Variants in UGT1A10 observed in about 807,000 individuals in gnomAD.
The protein encoded by UGT1A10 is UDP glucuronosyltransferase family 1 member A10.
Under a neutral mutation model 45.8 loss-of-function variants are expected in UGT1A10, and 49 were observed. The observed-to-expected ratio is 1.07, with a 90% confidence interval of 0.85 to 1.36. UGT1A10 has a LOEUF of 1.36. Among genes scored for constraint, UGT1A10 ranks in the 40% most tolerant of loss-of-function variants. UGT1A10 has a pLI of 0.00. For missense variants in UGT1A10, 745 were observed against 668.6 expected (o/e 1.11, Z -1.26); for synonymous variants, 284 against 249.7 (o/e 1.14, Z -1.29).
chr2:233,766,403 C>T (rs889722071), intron 1 of UGT1A10, among the ~76,000 whole-genome samples: 1 of 152,294 alleles, frequency 6.6e-6, no homozygotes, highest in South Asian at 2.1e-4. Flanking sequence ...TGCGTCCCTC[C>T]GCTGATGTGC....
At chr2:233,768,004 T>C in intron 3 of UGT1A10, 68 bp downstream of exon 3, 1 of 1,614,092 alleles carries the variant, frequency 6.2e-7, no homozygotes, top group South Asian at 1.1e-5. Context: ...TAAGCACAGC[T>C]ATTCTAAAGG....
intron 1 of UGT1A10, chr2:233,743,605 G>A (rs376857469): frequency 9.1e-5 from 125 of 1,367,170 alleles, no homozygotes; most frequent in Middle Eastern, 2.1e-4. Context: ...CCTGGCCGCC[G>A]AAGAACTCCC....
intron 1 of UGT1A10, among the ~76,000 whole-genome samples, chr2:233,689,353 T>C (rs1181537537): frequency 6.6e-6 from 1 of 152,248 alleles, no homozygotes; most frequent in Non-Finnish European, 1.5e-5. Context: ...AAGGAAGGCA[T>C]TTATGTGCAG....
intron 1 of UGT1A10, among the ~76,000 whole-genome samples, chr2:233,655,311 C>T (rs1300977294): frequency 6.6e-6 from 1 of 152,150 alleles, no homozygotes; most frequent in Non-Finnish European, 1.5e-5. Context: ...AGTGACAACC[C>T]ATGCAGGTTT....
intron 3 of UGT1A10, 76 bp from the exon 4 acceptor site, chr2:233,768,144 T>C: frequency 6.2e-7 from 1 of 1,610,934 alleles, no homozygotes; most frequent in Non-Finnish European, 8.5e-7. Context: ...CTTTGGAGTG[T>C]TTTCAGAACC....
At chr2:233,646,510 T>A (rs1365334162) in intron 1 of UGT1A10, among the ~76,000 whole-genome samples, 2 of 152,078 alleles carry the variant, frequency 1.3e-5, no homozygotes, top group Admixed American at 6.6e-5. Flanking sequence ...CCAAATCACC[T>A]CTTGAATGCT....
intron 1 of UGT1A10, chr2:233,693,707 G>T (rs199908505): frequency 6.2e-7 from 1 of 1,614,202 alleles, no homozygotes; most frequent in Non-Finnish European, 8.5e-7. Flanking sequence ...ACTCGCATCA[G>T]CTGTCCTCAA....
intron 1 of UGT1A10, among the ~76,000 whole-genome samples, chr2:233,724,206 A>T (rs2077188856): frequency 1.7e-5 from 2 of 117,190 alleles, no homozygotes; most frequent in African/African-American, 3.7e-5. Flanking sequence ...GGCCGGGCTG[A>T]GGGGCTCCTC....
chr2:233,729,379 A>C, intron 1 of UGT1A10: 1 of 1,613,990 alleles, frequency 6.2e-7, no homozygotes, highest in South Asian at 1.1e-5. Context: ...CATTTCGTGG[A>C]CCCAGGATGA....
chr2:233,756,019 A>G (rs997763833), intron 1 of UGT1A10: 4 of 152,222 alleles, frequency 2.6e-5, no homozygotes, highest in Admixed American at 2.0e-4. Flanking sequence ...GTGATATTAC[A>G]CATCCCCCAT....
At chr2:233,722,287 T>G (rs2125687052) in intron 1 of UGT1A10, among the ~76,000 whole-genome samples, 2 of 152,350 alleles carry the variant, frequency 1.3e-5, no homozygotes, top group Admixed American at 1.3e-4. Flanking sequence ...TGATTTCCTT[T>G]GTTATTTTGT....
At chr2:233,738,236 C>A (rs1038259131) in intron 1 of UGT1A10, among the ~76,000 whole-genome samples, 4 of 152,220 alleles carry the variant, frequency 2.6e-5, no homozygotes, top group African/African-American at 4.8e-5. Flanking sequence ...GAGGCCCCTC[C>A]AGCCACATGG....
intron 1 of UGT1A10, chr2:233,693,062 CT>C (rs752839721): frequency 1.2e-6 from 2 of 1,614,140 alleles, no homozygotes; most frequent in Admixed American, 3.3e-5. Flanking sequence ...CTTCTTAGCA[CT>C]TTGGGGCATG....
At chr2:233,688,505 C>A (rs2074897522) in intron 1 of UGT1A10, among the ~76,000 whole-genome samples, 1 of 152,100 alleles carries the variant, frequency 6.6e-6, no homozygotes, top group Non-Finnish European at 1.5e-5. Context: ...ATGTCACATG[C>A]AGTGAAATGC....
chr2:233,747,828 A>G, intron 1 of UGT1A10: 8 of 1,613,512 alleles, frequency 5.0e-6, no homozygotes, highest in Non-Finnish European at 6.8e-6. Flanking sequence ...AGACCACATG[A>G]CATTCCTGCA....
chr2:233,637,694 G>A lies in UGT1A10; in HGVS notation c.855+317G>A, dbSNP rs374491920. ...TTTTTTGTTAATTCTATGTGACCCC[G>A]TAGTTGAAATGCTCTTAAGTTTTGT... On this transcript the variant is annotated intron_variant, in intron 1 of 4. Transcript: ENST00000344644. Among the ~76,000 whole-genome samples the A allele has an allele frequency of 5.1e-4, 77 of 152,142 alleles. 1 individual carries two copies. The South Asian group carries it at 0.011, about 22-fold the overall frequency.
intron 1 of UGT1A10, among the ~76,000 whole-genome samples, chr2:233,745,590 G>A (rs565744032): frequency 1.3e-5 from 2 of 151,664 alleles, no homozygotes; most frequent in Admixed American, 6.5e-5. Context: ...CCTGAGACCC[G>A]GACTTGGCAC....
At chr2:233,747,969 T>G in intron 1 of UGT1A10, 1 of 1,613,504 alleles carries the variant, frequency 6.2e-7, no homozygotes. Flanking sequence ...CAGCCATGCA[T>G]CTGTGTGGCT....
At chr2:233,658,558 T>A (rs1255989688) in intron 1 of UGT1A10, among the ~76,000 whole-genome samples, 1 of 152,228 alleles carries the variant, frequency 6.6e-6, no homozygotes, top group African/African-American at 2.4e-5. Flanking sequence ...TCGATGACTT[T>A]GACAGTTTTG....
Sources: gnomAD v4.1 joint callset for allele counts (sites outside exome capture counted in the v4.1 genomes callset) on GRCh38, gnomAD v4.1.1 for gene constraint, MANE v1.5 for transcripts, NCBI Gene and HGNC (gene_info 2026-07-23, HGNC 2026-07-21) for gene names.